The following MYCBP2 variants were observed in gnomAD, a reference collection of about 807,000 sequenced individuals.
MYCBP2 encodes the protein E3 ubiquitin-protein ligase MYCBP2.
In MYCBP2, 120 loss-of-function variants were observed where a neutral mutation model predicts 525.3. That is an observed-to-expected ratio of 0.23 (90% confidence interval 0.20 to 0.27). The LOEUF (loss-of-function observed/expected upper bound fraction) is 0.27. MYCBP2 is among the 10% of genes least tolerant of loss of function. MYCBP2 has a pLI of 1.00. For missense variants in MYCBP2, 4,149 were observed against 5,657.1 expected, an observed-to-expected ratio of 0.73 and a Z score of 8.55; for synonymous variants, 1,894 against 1,955.8, an observed-to-expected ratio of 0.97 and a Z score of 0.83.
chr13:77,187,262 A>G (rs1014726093), intron 30 of MYCBP2, among the ~76,000 whole-genome samples: 9 of 152,244 alleles, frequency 5.9e-5, no homozygotes, highest in African/African-American at 1.9e-4. Flanking sequence ...AGAGTCAAAG[A>G]TCCTTATTTG....
chr13:77,309,389 C>A (rs917297352), intron 1 of MYCBP2, among the ~76,000 whole-genome samples: 2 of 152,142 alleles, frequency 1.3e-5, no homozygotes, highest in African/African-American at 2.4e-5. Flanking sequence ...CTGAGAGAAT[C>A]CTAGCAGTAG....
intron 32 of MYCBP2, among the ~76,000 whole-genome samples, chr13:77,183,302 G>C (rs1419646677): frequency 6.6e-6 from 1 of 152,080 alleles, no homozygotes; most frequent in Non-Finnish European, 1.5e-5. Context: ...TTTGTAAAAG[G>C]TTGACATTAT....
intron 82 of MYCBP2, among the ~76,000 whole-genome samples, chr13:77,049,674 C>T (rs941199437): frequency 1.2e-4 from 18 of 151,974 alleles, no homozygotes; most frequent in Admixed American, 1.0e-3. Context: ...ACAGCTCTGT[C>T]GCCCAGGCTG....
chr13:77,270,076 C>T lies in MYCBP2; in HGVS notation c.1189-13G>A, dbSNP rs922283452. The T allele has an allele frequency of 1.3e-6, 2 of 1,584,828 alleles. No individual in the cohort carries two copies. The highest frequency in any genetic ancestry group is 2.7e-5 in the African/African-American group (2 of 73,208). ...TGTATATATGGCCCTGCAAAAAAAA[C>T]AAAAGTTAGTATATCAGTGGTTTCA... On this transcript the variant is annotated splice_polypyrimidine_tract_variant and intron_variant, in intron 6 of 82. Transcript: ENST00000544440.
Position 77,077,243 on chromosome 13 carries a change from T to G in MYCBP2, c.11629A>C (p.Ser3877Arg). 1 of 1,614,072 alleles carries G rather than the reference T, an allele frequency of 6.2e-7. No individual in the cohort carries two copies. The highest frequency in any genetic ancestry group is 8.5e-7 in the Non-Finnish European group (1 of 1,179,970). Residue 3877 changes from serine (S) to arginine (R), a missense_variant, in exon 67 of 83, where the codon AGC (serine) becomes CGC (arginine). Physicochemically the swap from Ser to Arg is moderately radical, Grantham distance 110. Coordinates refer to ENST00000544440, the MANE Select transcript of MYCBP2 (RefSeq NM_015057.5). ...GAAATCTGGCCAGCTATTTTTGTGC[T>G]TTCACCATCTTTCCAGCCCAGGACT... ...VKVLGWKDGESTKIAGQISAS... is the reference protein window; with the variant it reads ...VKVLGWKDGERTKIAGQISAS...
Position 77,263,645 on chromosome 13 carries a change from T to A in MYCBP2, c.1570+6A>T. 6.2e-7 allele frequency: 1 copy of A among 1,606,716 alleles called. No individual in the cohort carries two copies. Among genetic ancestry groups the A allele is most frequent in the Non-Finnish European group, 8.5e-7 (1 of 1,176,392 alleles). Reference sequence around the variant, plus strand: ...TATAGGGAAAACACTTAATTTGCTATCTTACTTATAATATGCAAGTCCTTT... The same window carrying A: ...TATAGGGAAAACACTTAATTTGCTAACTTACTTATAATATGCAAGTCCTTT... On this transcript the variant is annotated splice_donor_region_variant and intron_variant, in intron 10 of 82. Coordinates refer to ENST00000544440, the MANE Select transcript of MYCBP2 (RefSeq NM_015057.5).
At chr13:77,054,775 A>G (rs1254405578) in intron 80 of MYCBP2, among the ~76,000 whole-genome samples, 3 of 151,934 alleles carry the variant, frequency 2.0e-5, no homozygotes, top group Non-Finnish European at 2.9e-5. Flanking sequence ...TAATTTTTGT[A>G]TTTCTTGTAG....
chr13:77,132,823 T>C (rs1232485996), intron 52 of MYCBP2, among the ~76,000 whole-genome samples: 2 of 152,166 alleles, frequency 1.3e-5, no homozygotes, highest in African/African-American at 4.8e-5. Context: ...GGTAGGTGCA[T>C]AATAAATTCT....
At chr13:77,141,053 T>C (rs557267570) in intron 49 of MYCBP2, 110 bp from the exon 50 acceptor site, 3 of 739,174 alleles carry the variant, frequency 4.1e-6, no homozygotes, top group South Asian at 1.9e-5. Flanking sequence ...AACACAAATA[T>C]CTGATTTCTG....
chr13:77,150,310 T>C (rs1226701797), intron 47 of MYCBP2, among the ~76,000 whole-genome samples: 1 of 152,178 alleles, frequency 6.6e-6, no homozygotes, highest in Non-Finnish European at 1.5e-5. Context: ...TTTTATTTTA[T>C]TTTTATTTTT....
intron 26 of MYCBP2, among the ~76,000 whole-genome samples, chr13:77,196,629 C>T (rs116673060): frequency 1.5e-3 from 233 of 152,308 alleles, no homozygotes; most frequent in African/African-American, 5.3e-3. Flanking sequence ...TCAAGGATGA[C>T]TCCAAGATTT....
intron 55 of MYCBP2, among the ~76,000 whole-genome samples, chr13:77,116,345 T>C (rs901899436): frequency 6.6e-6 from 1 of 151,956 alleles, no homozygotes; most frequent in Admixed American, 6.6e-5. Context: ...GATATACTAG[T>C]GGGATACATG....
chr13:77,261,170 C>T lies in MYCBP2; in HGVS notation c.1852+1G>A. ...AATGCATAGTTGATCACTCAACTTA[C>T]TTGATTCTCCATCTTCTCCTTTACT... is the stretch of plus-strand genomic sequence containing the variant. On this transcript the variant is annotated splice_donor_variant, in intron 12 of 82. Transcript: ENST00000544440. LOFTEE classifies it high-confidence loss of function. 1 of 1,610,080 alleles carries T rather than the reference C, an allele frequency of 6.2e-7. No individual in the cohort carries two copies. Among genetic ancestry groups the T allele is most frequent in the East Asian group, 2.2e-5 (1 of 44,784 alleles).
intron 52 of MYCBP2, 77 bp from the exon 53 acceptor site, chr13:77,126,619 T>G: frequency 9.0e-7 from 1 of 1,109,246 alleles, no homozygotes. Context: ...ATTAATAGCT[T>G]TTATAGCAAG....
chr13:77,176,378 T>C (rs2059705351), intron 36 of MYCBP2, 119 bp downstream of exon 36: 2 of 741,842 alleles, frequency 2.7e-6, no homozygotes, highest in Non-Finnish European at 3.9e-6. Flanking sequence ...TTAAGTACCA[T>C]ATAAAGGATA....
Position 77,217,976 on chromosome 13 carries a change from A to G in MYCBP2, c.2940-19T>C. Reference sequence around the variant, plus strand: ...ACATCCCCTAGGTTAAAAAAAAAAAAAGTAAGTCAATTTCTTACAAAACTC... The same window carrying G: ...ACATCCCCTAGGTTAAAAAAAAAAAGAGTAAGTCAATTTCTTACAAAACTC... On this transcript the variant is annotated intron_variant, in intron 20 of 82. Coordinates refer to ENST00000544440, the MANE Select transcript of MYCBP2 (RefSeq NM_015057.5). 1 of 1,446,616 alleles carries G rather than the reference A, an allele frequency of 6.9e-7. No individual in the cohort carries two copies. The highest frequency in any genetic ancestry group is 9.5e-7 in the Non-Finnish European group (1 of 1,052,138). The allele number at this position is 1,446,616 out of a possible 1,614,324, so 89.6% of individuals were successfully genotyped here. A position where few individuals can be genotyped will look rare whatever the true frequency, so the allele number is the denominator to read the frequency against.
chr13:77,062,935 C>T (rs927964944), intron 73 of MYCBP2, among the ~76,000 whole-genome samples: 1 of 152,134 alleles, frequency 6.6e-6, no homozygotes, highest in African/African-American at 2.4e-5. Flanking sequence ...TCTGATGAAC[C>T]ACCCTGTCTT....
In MYCBP2 at chr13:77,321,510, T is replaced by C. The variant is rs7982178; in HGVS notation, c.302+4964A>G. Among the ~76,000 whole-genome samples, 1,367 of 152,344 alleles carry C rather than the reference T, an allele frequency of 9.0e-3. 24 individuals are homozygous for C. The highest frequency in any genetic ancestry group is 0.031 in the African/African-American group (1,307 of 41,576). ...GCTTAAAACCATCAAGGGTGATCAG[T>C]GTCTACTGAATAAAATCTAATTCTT... On this transcript the variant is annotated intron_variant, in intron 1 of 82. Coordinates refer to ENST00000544440, the MANE Select transcript of MYCBP2 (RefSeq NM_015057.5).
At chr13:77,189,755 T>C (rs894565486) in intron 29 of MYCBP2, among the ~76,000 whole-genome samples, 1 of 152,178 alleles carries the variant, frequency 6.6e-6, no homozygotes, top group Non-Finnish European at 1.5e-5. Context: ...GTTAAAAATA[T>C]AGTAAATATT....
Sources: allele counts gnomAD v4.1 joint callset (sites outside exome capture counted in the v4.1 genomes callset), GRCh38; gene constraint gnomAD v4.1.1; transcripts MANE v1.5; gene names NCBI Gene and HGNC (gene_info 2026-07-23, HGNC 2026-07-21).